The following BCAP29 variants were observed in gnomAD, a reference collection of about 807,000 sequenced individuals.
BCAP29 encodes the protein B-cell receptor-associated protein 29.
In BCAP29, 34 loss-of-function variants were observed where a neutral mutation model predicts 31.8. The ratio of observed to expected loss-of-function variants is 1.07; its 90% CI spans 0.81 to 1.42. The LOEUF (loss-of-function observed/expected upper bound fraction) is 1.42, where lower values mean the gene tolerates loss of function less well. Among genes scored for constraint, BCAP29 ranks in the 40% most tolerant of loss-of-function variants. The probability of loss-of-function intolerance (pLI) is 0.00; values close to 1 mark genes in which losing one functional copy is unlikely to be tolerated. For missense variants in BCAP29, 314 were observed against 269.2 expected, an observed-to-expected ratio of 1.17 and a Z score of -1.16; for synonymous variants, 104 against 91.3, an observed-to-expected ratio of 1.14 and a Z score of -0.79.
chr7:107,600,546 G>A, intron 6 of BCAP29, 41 bp downstream of exon 6: 9 of 1,196,094 alleles, frequency 7.5e-6, no homozygotes, highest in Non-Finnish European at 1.1e-5. Flanking sequence ...AGACTAGCAT[G>A]ATATTTTATG....
chr7:107,582,055 C>G (rs1047242739), intron 2 of BCAP29, among the ~76,000 whole-genome samples: 9 of 152,146 alleles, frequency 5.9e-5, no homozygotes, highest in Admixed American at 5.9e-4. Context: ...GGTTTTGTTT[C>G]AAACTCAGTA....
intron 6 of BCAP29, among the ~76,000 whole-genome samples, chr7:107,605,492 G>C (rs1440634883): frequency 4.6e-5 from 7 of 152,210 alleles, no homozygotes. Flanking sequence ...TGTTCCAGGT[G>C]TTAAAGATGT....
chr7:107,614,189 G>A (rs563629430), intron 7 of BCAP29, among the ~76,000 whole-genome samples: 74 of 152,150 alleles, frequency 4.9e-4, no homozygotes, highest in Non-Finnish European at 7.2e-4. Context: ...TTCAGTCAGG[G>A]CTTTTTACAA....
chr7:107,606,747 AG>A (rs1025276187), intron 6 of BCAP29, among the ~76,000 whole-genome samples: 2 of 152,236 alleles, frequency 1.3e-5, no homozygotes, highest in African/African-American at 4.8e-5. Context: ...AAAACTTTGC[AG>A]AAGAAATGAT....
At chr7:107,584,288 C>G (rs1807229001) in intron 3 of BCAP29, among the ~76,000 whole-genome samples, 1 of 152,182 alleles carries the variant, frequency 6.6e-6, no homozygotes, top group African/African-American at 2.4e-5. Flanking sequence ...ATGGTGTTGT[C>G]TCTCCTTTGT....
At chr7:107,613,263 A>G in intron 6 of BCAP29, 69 bp from the exon 7 acceptor site, 2 of 1,175,084 alleles carry the variant, frequency 1.7e-6, no homozygotes, top group Admixed American at 4.1e-5. Flanking sequence ...TCTCTATTTA[A>G]GCCTTGTAAC....
At chr7:107,620,491 A>G (rs575146518), downstream of BCAP29, 3 of 152,190 alleles carry the variant, frequency 2.0e-5, no homozygotes, top group African/African-American at 7.2e-5. Flanking sequence ...TATGTTGCAT[A>G]TTAAATTACT....
intron 6 of BCAP29, among the ~76,000 whole-genome samples, chr7:107,602,826 G>A (rs528455079): frequency 9.2e-5 from 14 of 152,002 alleles, no homozygotes; most frequent in South Asian, 2.1e-4. Flanking sequence ...AACTATTACC[G>A]GTGCTTCCGT....
intron 6 of BCAP29, among the ~76,000 whole-genome samples, chr7:107,612,391 TTATA>T (rs36213596): frequency 0.021 from 641 of 30,668 alleles, 5 homozygotes; most frequent in Middle Eastern, 0.062. Context: ...ATGTATTGTT[TTATA>T]TATATATATA....
intron 5 of BCAP29, among the ~76,000 whole-genome samples, chr7:107,598,599 A>G (rs1467691428): frequency 6.6e-6 from 1 of 152,098 alleles, no homozygotes. Flanking sequence ...CTCTTACAGC[A>G]CCTTACATTG....
chr7:107,613,644 A>G (rs759071680), intron 7 of BCAP29: 9 of 1,608,314 alleles, frequency 5.6e-6, no homozygotes, highest in East Asian at 4.5e-5. Context: ...GCTGACTTGC[A>G]TACTTACAGC....
chr7:107,580,735 G>A (rs1806472680), intron 1 of BCAP29, 24 bp from the exon 2 acceptor site: 2 of 1,516,782 alleles, frequency 1.3e-6, no homozygotes, highest in Admixed American at 1.9e-5. Context: ...GGAAGCAAGA[G>A]AAAATAAGTG....
chr7:107,584,906 C>A (rs564201903), intron 3 of BCAP29, among the ~76,000 whole-genome samples: 1 of 152,076 alleles, frequency 6.6e-6, no homozygotes, highest in African/African-American at 2.4e-5. Context: ...AATGACCATG[C>A]CCATTTGTTT....
chr7:107,613,431 A>T lies in BCAP29; in HGVS notation c.689A>T (p.Gln230Leu), dbSNP rs754296424. The T allele has an allele frequency of 1.1e-5, 18 of 1,599,630 alleles. No homozygotes were observed. In the East Asian group the frequency reaches 4.0e-4, roughly 36 times the overall value. The change falls in exon 7 of 8, where the codon CAG becomes CTG. Residue 230 changes from glutamine to leucine, a missense_variant and splice_region_variant. Physicochemically the swap from Gln to Leu is moderately radical, Grantham distance 113. Transcript: ENST00000005259. ...CTCCTGAAAGAACACTCTGAACTTC[A>T]GGTGGGTGTGACATGCACTTTATGC... is the stretch of plus-strand genomic sequence containing the variant. Reference protein sequence around the residue: ...DQLLKEHSELQDRLERGNKKR... With the variant: ...DQLLKEHSELLDRLERGNKKR...
rs771741951 is a variant in BCAP29, at chr7:107,612,437, A to ATATATT, written c.590-892_590-891insATTTAT. Among the ~76,000 whole-genome samples, 567 of 112,466 alleles carry ATATATT rather than the reference A, an allele frequency of 5.0e-3. 1 individual carries two copies. Among genetic ancestry groups the ATATATT allele is most frequent in the Non-Finnish European group, 7.8e-3 (435 of 55,664 alleles). 73.8% of individuals were successfully genotyped at this position (112,466 alleles called of 152,430 possible). A position where few individuals can be genotyped will look rare whatever the true frequency, so the allele number is the denominator to read the frequency against. On this transcript the variant is annotated intron_variant, in intron 6 of 7. Coordinates refer to ENST00000005259, the MANE Select transcript of BCAP29 (RefSeq NM_018844.4). ...TATATATATATATATATATATATAT[A>ATATATT]TATTTATTTTACTTCTATCTAAGGC... is the stretch of plus-strand genomic sequence containing the variant.
At chr7:107,586,553 A>G (rs1170712325) in intron 3 of BCAP29, among the ~76,000 whole-genome samples, 4 of 152,172 alleles carry the variant, frequency 2.6e-5, no homozygotes, top group Non-Finnish European at 5.9e-5. Context: ...TAAACGCAGT[A>G]ACATATGTAA....
chr7:107,616,896 G>A (rs1814261460), intron 7 of BCAP29, among the ~76,000 whole-genome samples: 1 of 152,118 alleles, frequency 6.6e-6, no homozygotes, highest in African/African-American at 2.4e-5. Context: ...ATGCCACCAT[G>A]CGCAGCTAAG....
At chr7:107,613,549 T>C in intron 7 of BCAP29, 117 bp downstream of exon 7, 1 of 1,338,088 alleles carries the variant, frequency 7.5e-7, no homozygotes, top group Non-Finnish European at 1.0e-6. Flanking sequence ...CCTGGCTTTG[T>C]TAAACGATTT....
rs565037646 is a variant in BCAP29 at position 107,609,109 on chromosome 7, C to T, written c.590-4223C>T. 7.0e-4 allele frequency among the ~76,000 whole-genome samples: 107 copies of T among 152,250 alleles called. 2 individuals carry two copies. The highest frequency in any genetic ancestry group is 1.8e-3 in the Admixed American group (28 of 15,290). ...ACTTTCTTGACATTTTAAAGGATGA[C>T]ATTAATTAGCCAGATGAAGTAGGAG... On this transcript the variant is annotated intron_variant, in intron 6 of 7. Coordinates refer to ENST00000005259, the MANE Select transcript of BCAP29 (RefSeq NM_018844.4).
Sources: gnomAD v4.1 joint callset for allele counts (sites outside exome capture counted in the v4.1 genomes callset) on GRCh38, gnomAD v4.1.1 for gene constraint, MANE v1.5 for transcripts, NCBI Gene and HGNC (gene_info 2026-07-23, HGNC 2026-07-21) for gene names.